CACNA1C: variants seen among roughly 807,000 people sequenced by gnomAD.
The protein encoded by CACNA1C is calcium voltage-gated channel subunit alpha1 C.
CACNA1C carries 30 observed loss-of-function variants against 229.0 expected under a neutral mutation model. The observed-to-expected ratio is 0.13, with a 90% CI of 0.10 to 0.18. The LOEUF (loss-of-function observed/expected upper bound fraction) is 0.18. Among genes scored for constraint, CACNA1C ranks in the 10% least tolerant of loss-of-function variants. The probability of loss-of-function intolerance (pLI) is 1.00; values close to 1 mark genes in which losing one functional copy is unlikely to be tolerated. For missense variants in CACNA1C, 1,658 were observed against 2,845.0 expected (o/e 0.58, Z 9.49); for synonymous variants, 1,114 against 1,132.5 (o/e 0.98, Z 0.33).
chr12:2,691,237 C>G lies in CACNA1C; in HGVS notation c.*38C>G. 1 of 1,504,884 alleles carries G rather than the reference C, an allele frequency of 6.6e-7. No individual in the cohort carries two copies. The highest frequency in any genetic ancestry group is 8.9e-7 in the Non-Finnish European group (1 of 1,128,356). The allele number at this position is 1,504,884 out of a possible 1,614,324, so 93.2% of individuals were successfully genotyped here. A position where few individuals can be genotyped will look rare whatever the true frequency, so the allele number is the denominator to read the frequency against. Reference sequence around the variant, plus strand: ...GATGCGGGCTTTTTTTTATTTGTTTCAATGTTCCTAATGGGTTCGTTTCAG... The same window carrying G: ...GATGCGGGCTTTTTTTTATTTGTTTGAATGTTCCTAATGGGTTCGTTTCAG... On this transcript the variant is annotated 3_prime_UTR_variant, in exon 47 of 47. Coordinates refer to ENST00000399655, the MANE Select transcript of CACNA1C (RefSeq NM_000719.7).
Position 2,057,679 on chromosome 12 carries a change from A to G in CACNA1C, c.49+4068A>G, listed in dbSNP as rs974767097. Among the ~76,000 whole-genome samples the G allele has an allele frequency of 1.3e-5, 2 of 152,096 alleles. 1 individual carries two copies. The highest frequency in any genetic ancestry group is 4.1e-4 in the South Asian group (2 of 4,820). On this transcript the variant is annotated intron_variant, in intron 1 of 46. Transcript: ENST00000399655. ...ACCCAGTCCGTCGCAGGCTCTTCCC[A>G]CAGACGTCTGTTCCCTTCCAGCACA...
chr12:2,418,079 G>A (rs949652385), intron 3 of CACNA1C, among the ~76,000 whole-genome samples: 36 of 152,104 alleles, frequency 2.4e-4, no homozygotes, highest in African/African-American at 6.8e-4. Flanking sequence ...TGAGGGAGCC[G>A]CTCCCTCTCT....
At chr12:2,284,041 C>T (rs2154441382) in intron 3 of CACNA1C, among the ~76,000 whole-genome samples, 1 of 152,246 alleles carries the variant, frequency 6.6e-6, no homozygotes, top group Admixed American at 6.5e-5. Context: ...AGGAGAGAGA[C>T]CAGCCAAGCA....
At position 2,410,626 on chromosome 12, in the gene CACNA1C, C is replaced by T. The variant is rs550866820; in HGVS notation, c.478-38350C>T. 5.7e-5 allele frequency among the ~76,000 whole-genome samples: 8 copies of T among 141,426 alleles called. 1 individual carries two copies. In the South Asian group the frequency reaches 9.1e-4, roughly 16 times the overall value. The allele number at this position is 141,426 out of a possible 152,430, so 92.8% of individuals were successfully genotyped here. A position where few individuals can be genotyped will look rare whatever the true frequency, so the allele number is the denominator to read the frequency against. On this transcript the variant is annotated intron_variant, in intron 3 of 46. Transcript: ENST00000399655. The surrounding 1 kb of genome is among the most constrained non-coding windows in gnomAD (Gnocchi z 5.3). ...GCTGACTCTAGCTGTGAGGATGGCT[C>T]GCCTGTGTGTGTGTGTGTGTGCATG...
At chr12:2,370,764 T>A (rs991923229) in intron 3 of CACNA1C, among the ~76,000 whole-genome samples, 9 of 152,214 alleles carry the variant, frequency 5.9e-5, no homozygotes, top group Non-Finnish European at 8.8e-5. Context: ...GAGGACTAAC[T>A]TAACTATTGC....
At chr12:2,582,356 C>T (rs1014300374) in intron 14 of CACNA1C, among the ~76,000 whole-genome samples, 1 of 152,118 alleles carries the variant, frequency 6.6e-6, no homozygotes, top group Admixed American at 6.5e-5. Context: ...CTCAAAGTGG[C>T]ATCTATTTAA....
chr12:2,076,592 C>T (rs1343414782), intron 1 of CACNA1C, among the ~76,000 whole-genome samples: 6 of 150,504 alleles, frequency 4.0e-5, no homozygotes, highest in Non-Finnish European at 8.9e-5. Context: ...TGAGCAAAAA[C>T]AGTTTTCCAA....
intron 3 of CACNA1C, among the ~76,000 whole-genome samples, chr12:2,142,880 A>G (rs1017878582): frequency 4.6e-5 from 7 of 151,482 alleles, no homozygotes; most frequent in African/African-American, 1.7e-4. Context: ...TTATTACAAA[A>G]GAGTCAAAAA....
intron 1 of CACNA1C, among the ~76,000 whole-genome samples, chr12:2,021,976 A>G (rs1339184905): frequency 2.6e-5 from 4 of 152,146 alleles, no homozygotes; most frequent in South Asian, 2.1e-4. Flanking sequence ...CTTTGAATAC[A>G]TTTATTGTGT....
At chr12:2,457,266 C>T (rs2099436258) in intron 4 of CACNA1C, among the ~76,000 whole-genome samples, 1 of 152,248 alleles carries the variant, frequency 6.6e-6, no homozygotes. Context: ...ACAGACTTCA[C>T]CTGCTTCCCA....
chr12:2,688,637 G>T lies in CACNA1C; in HGVS notation c.5975G>T (p.Cys1992Phe), dbSNP rs375818733. The change falls in exon 46 of 47, where the codon TGC becomes TTC. Residue 1992 changes from cysteine (C) to phenylalanine (F), a missense_variant. Cys to Phe is a radical substitution (Grantham distance 205). Coordinates refer to ENST00000399655, the MANE Select transcript of CACNA1C (RefSeq NM_000719.7). ...AACAGCAGCTTCCCATCCATCCACT[G>T]CGGCTCCTGGGCTGAGACCACCCCC... is the stretch of plus-strand genomic sequence containing the variant. The part of the protein sequence containing the change: ...KLNSSFPSIH[C>F]GSWAETTPGG... 3.6e-5 allele frequency: 58 copies of T among 1,613,790 alleles called. 1 individual carries two copies. The East Asian group carries it at 4.2e-4, about 12-fold the overall frequency.
chr12:2,098,177 T>G (rs1005529582), intron 1 of CACNA1C, among the ~76,000 whole-genome samples: 2 of 152,230 alleles, frequency 1.3e-5, no homozygotes, highest in African/African-American at 4.8e-5. Flanking sequence ...ATATGAAGTT[T>G]GATATTTACC....
At chr12:2,101,101 T>A (rs2076251126) in intron 1 of CACNA1C, among the ~76,000 whole-genome samples, 1 of 152,184 alleles carries the variant, frequency 6.6e-6, no homozygotes, top group Non-Finnish European at 1.5e-5. Flanking sequence ...GGAAACAATT[T>A]CTGTATTATT....
chr12:2,216,837 C>T (rs1469125526), intron 3 of CACNA1C, among the ~76,000 whole-genome samples: 3 of 152,122 alleles, frequency 2.0e-5, no homozygotes, highest in Non-Finnish European at 4.4e-5. Flanking sequence ...ACAGAATTTG[C>T]TGTTTTCCAG....
At chr12:2,555,705 G>A (rs1451012685) in intron 10 of CACNA1C, among the ~76,000 whole-genome samples, 1 of 152,218 alleles carries the variant, frequency 6.6e-6, no homozygotes, top group East Asian at 1.9e-4. Context: ...TTAGCTAACC[G>A]TTCGGAGCAG....
intron 18 of CACNA1C, among the ~76,000 whole-genome samples, chr12:2,590,168 A>G (rs1315335239): frequency 1.3e-5 from 2 of 152,158 alleles, no homozygotes; most frequent in Non-Finnish European, 1.5e-5. Context: ...AAATGTCTTT[A>G]CTTTATGTGG....
chr12:2,578,855 C>T (rs1420729699), intron 13 of CACNA1C, among the ~76,000 whole-genome samples: 3 of 152,116 alleles, frequency 2.0e-5, no homozygotes, highest in African/African-American at 7.2e-5. Flanking sequence ...AGACACAGCT[C>T]TGTGTCCCTG....
chr12:2,506,145 GC>G (rs1441172816), intron 8 of CACNA1C, among the ~76,000 whole-genome samples: 4 of 152,146 alleles, frequency 2.6e-5, no homozygotes, highest in Non-Finnish European at 5.9e-5. Flanking sequence ...ATGACAAAAT[GC>G]CTTTTGCTAA....
Position 2,682,561 on chromosome 12 carries a change from G to C in CACNA1C, c.5456G>C (p.Arg1819Pro). ...CTTGGATATTGTAGGTGCCACTCCCGGGAGAGCCAGGCAGCCATGGCGGGT... is the reference window on the plus strand; with the variant it reads ...CTTGGATATTGTAGGTGCCACTCCCCGGAGAGCCAGGCAGCCATGGCGGGT... ...WKLSSNRCHSRESQAAMAGQE... is the reference protein window; with the variant it reads ...WKLSSNRCHSPESQAAMAGQE... The change falls in exon 43 of 47, where the codon CGG becomes CCG. Residue 1819 changes from arginine (R) to proline (P), a missense_variant. Arg to Pro is a moderately radical substitution (Grantham distance 103). Around this residue, in one of 20 missense-constraint regions of CACNA1C, gnomAD observed 590 missense variants for 700.8 expected, o/e 0.84. Coordinates refer to ENST00000399655, the MANE Select transcript of CACNA1C (RefSeq NM_000719.7). The C allele has an allele frequency of 6.2e-7, 1 of 1,612,160 alleles. No individual in the cohort carries two copies. Among genetic ancestry groups the C allele is most frequent in the Non-Finnish European group, 8.5e-7 (1 of 1,179,328 alleles).
Sources: gnomAD v4.1 joint callset for allele counts (sites outside exome capture counted in the v4.1 genomes callset) on GRCh38, gnomAD v4.1.1 for gene constraint, gnomAD v4.1.1 regional missense constraint, Gnocchi (gnomAD v3.1) non-coding constraint, MANE v1.5 for transcripts, NCBI Gene and HGNC (gene_info 2026-07-23, HGNC 2026-07-21) for gene names.